Variants in ZNF326 observed in about 807,000 individuals in gnomAD.
The protein encoded by ZNF326 is DBIRD complex subunit ZNF326.
In ZNF326, 30 loss-of-function variants were observed where a neutral mutation model predicts 63.1. The observed-to-expected ratio is 0.48, with a 90% CI of 0.36 to 0.64. The LOEUF is 0.64. Ranked by LOEUF, ZNF326 falls within the 30% of genes least tolerant of loss-of-function variation. The pLI is 0.00. For synonymous variants in ZNF326, 194 were observed against 228.2 expected (o/e 0.85, Z 1.35); for missense variants, 609 against 720.3 (o/e 0.85, Z 1.77).
chr1:90,004,249 A>T (rs188770957), intron 2 of ZNF326, among the ~76,000 whole-genome samples: 5 of 152,158 alleles, frequency 3.3e-5, no homozygotes, highest in Admixed American at 6.5e-5. Context: ...CATAATTTAT[A>T]GGCACAGTGC....
At chr1:90,021,279 G>A (rs1649759359) in intron 10 of ZNF326, among the ~76,000 whole-genome samples, 1 of 151,984 alleles carries the variant, frequency 6.6e-6, no homozygotes, top group South Asian at 2.1e-4. Flanking sequence ...GTAATGGTAA[G>A]CATTCAGGAA....
chr1:90,022,979 G>A (rs1179633905), intron 11 of ZNF326, among the ~76,000 whole-genome samples: 3 of 152,166 alleles, frequency 2.0e-5, no homozygotes, highest in South Asian at 4.1e-4. Context: ...TTTGGCGGGC[G>A]GGAGAAGAGA....
intron 2 of ZNF326, among the ~76,000 whole-genome samples, chr1:90,003,514 G>T (rs1225368037): frequency 6.6e-6 from 1 of 152,214 alleles, no homozygotes; most frequent in Non-Finnish European, 1.5e-5. Context: ...GAGTAAGGCA[G>T]AGTATCACAA....
chr1:90,005,395 G>T, intron 4 of ZNF326, 151 bp downstream of exon 4: 5 of 1,370,036 alleles, frequency 3.6e-6, no homozygotes, highest in Non-Finnish European at 3.8e-6. Context: ...TTAATTAATG[G>T]GTATAAAATT....
Position 90,027,904 on chromosome 1 carries a change from A to G in ZNF326, c.*203A>G, listed in dbSNP as rs1369253678. 1.8e-6 allele frequency: 1 copy of G among 564,064 alleles called. No homozygotes were observed. Among genetic ancestry groups the G allele is most frequent in the South Asian group, 2.5e-5 (1 of 40,696 alleles). The allele number at this position is 564,064 out of a possible 1,614,324, so 34.9% of individuals were successfully genotyped here. A position where few individuals can be genotyped will look rare whatever the true frequency, so the allele number is the denominator to read the frequency against. On this transcript the variant is annotated 3_prime_UTR_variant, in exon 12 of 12. Transcript: ENST00000340281. ...CTATTTTAGTTTAGTTTTTATAGCT[A>G]CCAGACTTAGATCCGATAAATTGTT... is the stretch of plus-strand genomic sequence containing the variant.
At chr1:90,006,407 A>G in intron 4 of ZNF326, 1 of 985,230 alleles carries the variant, frequency 1.0e-6, no homozygotes, top group Non-Finnish European at 1.2e-6. Flanking sequence ...TCTCATGTGT[A>G]ATTGTGGGCC....
rs757189264 is a variant in ZNF326, at chr1:90,022,280, G to A, written c.1336G>A (p.Val446Ile). Residue 446 changes from valine (V) to isoleucine (I), a missense_variant, in exon 11 of 12, where the codon GTC becomes ATC. Physicochemically the swap from Val to Ile is conservative, Grantham distance 29. Coordinates refer to ENST00000340281, the MANE Select transcript of ZNF326 (RefSeq NM_182976.4). The part of the protein sequence containing the change: ...AYKEQIKRES[V>I]LTATSILNNP... ...TAAGGAACAAATAAAAAGAGAGAGTGTCTTGACTGCTACAAGCATTTTAAA... is the reference window on the plus strand; with the variant it reads ...TAAGGAACAAATAAAAAGAGAGAGTATCTTGACTGCTACAAGCATTTTAAA... 6.2e-7 allele frequency: 1 copy of A among 1,612,882 alleles called. No individual in the cohort carries two copies. The highest frequency in any genetic ancestry group is 8.5e-7 in the Non-Finnish European group (1 of 1,179,322).
At position 90,016,657 on chromosome 1, in the gene ZNF326, C is replaced by T. The variant is rs577482155; in HGVS notation, c.927-660C>T. On this transcript the variant is annotated intron_variant, in intron 7 of 11. Coordinates refer to ENST00000340281, the MANE Select transcript of ZNF326 (RefSeq NM_182976.4). ...GCTTGAACTGGGGAGGTGGAGGTTG[C>T]AGTGAGCTGAGATCGCACCACTGCA... is the stretch of plus-strand genomic sequence containing the variant. Among the ~76,000 whole-genome samples the T allele has an allele frequency of 2.0e-5, 3 of 150,628 alleles. No individual in the cohort carries two copies. In the South Asian group the frequency reaches 6.3e-4, roughly 32 times the overall value.
chr1:90,019,782 C>T (rs1029406828), intron 9 of ZNF326, among the ~76,000 whole-genome samples: 2 of 152,116 alleles, frequency 1.3e-5, no homozygotes, highest in African/African-American at 2.4e-5. Context: ...CATCTCTTTA[C>T]AGCAGTCACA....
In ZNF326 at chr1:90,007,564, T is replaced by G. The variant is rs1444177744; in HGVS notation, c.429T>G (p.Pro143=). ...CTTACTCCCGTTCAAAATTGAGGCCTGGGTTTATGGAGGACAGAGGAAGAG... is the reference window on the plus strand; with the variant it reads ...CTTACTCCCGTTCAAAATTGAGGCCGGGGTTTATGGAGGACAGAGGAAGAG... ...EAPYSRSKLR[P]GFMEDRGREN... The change falls in exon 5 of 12, where the codon CCT becomes CCG. Residue 143 remains proline (P), a synonymous_variant. Coordinates refer to ENST00000340281, the MANE Select transcript of ZNF326 (RefSeq NM_182976.4). The surrounding 1 kb of genome is among the most constrained non-coding windows in gnomAD (Gnocchi z 4.9). 2.2e-5 allele frequency: 36 copies of G among 1,613,638 alleles called. No homozygotes were observed. Among genetic ancestry groups the G allele is most frequent in the African/African-American group, 2.7e-5 (2 of 74,846 alleles).
chr1:90,011,356 T>C (rs1649222713), intron 6 of ZNF326, among the ~76,000 whole-genome samples: 1 of 152,126 alleles, frequency 6.6e-6, no homozygotes, highest in Admixed American at 6.5e-5. Context: ...AGGAACCCTA[T>C]TCTGTCACTT....
In ZNF326 at chr1:90,028,833, T is replaced by C. The variant is rs1570328096; in HGVS notation, c.*1132T>C. On this transcript the variant is annotated 3_prime_UTR_variant, in exon 12 of 12. Transcript: ENST00000340281. ...TAGGGTCCGTAGTTTTTTTTTTTTT[T>C]CTTTTTTGGGACAGGGTTTCACTCT... 1 of 152,046 alleles carries C rather than the reference T, an allele frequency of 6.6e-6. No individual in the cohort carries two copies. The highest frequency in any genetic ancestry group is 2.1e-4 in the South Asian group (1 of 4,808). The allele number at this position is 152,046 out of a possible 1,614,324, so 9.4% of individuals were successfully genotyped here.
At chr1:90,011,891 G>A (rs1649263904) in intron 6 of ZNF326, among the ~76,000 whole-genome samples, 1 of 152,122 alleles carries the variant, frequency 6.6e-6, no homozygotes, top group South Asian at 2.1e-4. Context: ...AGGCTGGAGT[G>A]CAGTGGTGCA....
intron 6 of ZNF326, 96 bp downstream of exon 6, chr1:90,010,382 C>T: frequency 5.6e-6 from 7 of 1,257,580 alleles, no homozygotes; most frequent in Non-Finnish European, 7.7e-6. Context: ...TATACAGAAA[C>T]TACATAACAA....
chr1:90,002,550 C>T (rs1449339586), intron 2 of ZNF326, among the ~76,000 whole-genome samples: 1 of 152,046 alleles, frequency 6.6e-6, no homozygotes, highest in Non-Finnish European at 1.5e-5. Context: ...GAGATATGAG[C>T]ATAAATTTTA....
At chr1:90,020,996 C>T in intron 10 of ZNF326, 74 bp downstream of exon 10, 2 of 1,451,218 alleles carry the variant, frequency 1.4e-6, no homozygotes, top group Non-Finnish European at 1.9e-6. Context: ...GCCATAGCTT[C>T]ACACCTATCT....
At position 90,031,268 on chromosome 1, in the gene ZNF326, A is replaced by G. The variant is rs537617303; in HGVS notation, c.*3567A>G. 9 of 152,318 alleles carry G rather than the reference A, an allele frequency of 5.9e-5. No individual in the cohort carries two copies. The highest frequency in any genetic ancestry group is 2.2e-4 in the African/African-American group (9 of 41,546). 9.4% of individuals were successfully genotyped at this position (152,318 alleles called of 1,614,324 possible). A position where few individuals can be genotyped will look rare whatever the true frequency, so the allele number is the denominator to read the frequency against. ...GTAGGAGTAGTAATTTTCCCATATA[A>G]TAAGCCCACTCTTGTACATGTAGAA... is the stretch of plus-strand genomic sequence containing the variant. On this transcript the variant is annotated 3_prime_UTR_variant, in exon 12 of 12. Transcript: ENST00000340281.
chr1:90,005,006 T>A lies in ZNF326; in HGVS notation c.65T>A (p.Met22Lys). Residue 22 changes from methionine (M) to lysine (K), a missense_variant, in exon 3 of 12, where the codon ATG (methionine) becomes AAG (lysine). Met to Lys is a moderately conservative substitution (Grantham distance 95). Coordinates refer to ENST00000340281, the MANE Select transcript of ZNF326 (RefSeq NM_182976.4). ...TTTCTTATTGACTCTCTTTTAGGAA[T>A]GGATCGTGATTATGGCCCTGGATCT... Reference protein sequence around the residue: ...CRNTYQGFNGMDRDYGPGSYG... With the variant: ...CRNTYQGFNGKDRDYGPGSYG... The A allele has an allele frequency of 6.2e-7, 1 of 1,613,928 alleles. No individual in the cohort carries two copies. The highest frequency in any genetic ancestry group is 8.5e-7 in the Non-Finnish European group (1 of 1,179,934).
At chr1:90,009,445 T>G (rs1415944445) in intron 5 of ZNF326, among the ~76,000 whole-genome samples, 1 of 152,182 alleles carries the variant, frequency 6.6e-6, no homozygotes, top group Non-Finnish European at 1.5e-5. Context: ...AACTTTTGTT[T>G]CTTGGGCTTC....
Sources: gnomAD v4.1 joint callset for allele counts (sites outside exome capture counted in the v4.1 genomes callset) on GRCh38, gnomAD v4.1.1 for gene constraint, Gnocchi (gnomAD v3.1) non-coding constraint, MANE v1.5 for transcripts, NCBI Gene and HGNC (gene_info 2026-07-23, HGNC 2026-07-21) for gene names.